The following BZW2 variants were observed in gnomAD, a reference collection of about 807,000 sequenced individuals.
The protein encoded by BZW2 is basic leucine zipper and W2 domains 2.
Under a neutral mutation model 53.2 loss-of-function variants are expected in BZW2, and 23 were observed. The ratio of observed to expected loss-of-function variants is 0.43; its 90% confidence interval spans 0.31 to 0.61. The LOEUF (loss-of-function observed/expected upper bound fraction) is 0.61, where lower values mean the gene tolerates loss of function less well. Among genes scored for constraint, BZW2 ranks in the 20% least tolerant of loss-of-function variants. BZW2 has a pLI of 0.09. For synonymous variants in BZW2, 227 were observed against 186.4 expected (o/e 1.22, Z -1.77); for missense variants, 409 against 503.1 (o/e 0.81, Z 1.79).
chr7:16,665,461 G>A lies in BZW2; in HGVS notation c.18G>A (p.Lys6=). 1 of 1,614,028 alleles carries A rather than the reference G, an allele frequency of 6.2e-7. No homozygotes were observed. The highest frequency in any genetic ancestry group is 1.1e-5 in the South Asian group (1 of 91,074). Residue 6 remains lysine, a synonymous_variant, in exon 2 of 12, where the codon AAG becomes AAA. Coordinates refer to ENST00000258761, the MANE Select transcript of BZW2 (RefSeq NM_014038.3). ...GAAATTTTATGAATAAGCATCAGAA[G>A]CCAGTGCTAACAGGCCAGCGGTTCA... is the stretch of plus-strand genomic sequence containing the variant. MNKHQ[K]PVLTGQRFKT... is the part of the protein sequence containing the mutation.
intron 1 of BZW2, among the ~76,000 whole-genome samples, chr7:16,658,708 G>A (rs1054277846): frequency 1.3e-5 from 2 of 151,752 alleles, no homozygotes; most frequent in African/African-American, 2.4e-5. Context: ...AACCCCGTCT[G>A]TACTAAAAAT....
In BZW2 at chr7:16,704,561, G is replaced by A. The variant is rs769226107; in HGVS notation, c.1123G>A (p.Glu375Lys). 3.9e-6 allele frequency: 6 copies of A among 1,556,874 alleles called. No individual in the cohort carries two copies. Among genetic ancestry groups the A allele is most frequent in the African/African-American group, 1.3e-5 (1 of 74,334 alleles). ...VLFYKADVLS[E>K]EAILKWYKEA... ...TAAAATTGCAGCTGATGTTCTGAGC[G>A]AAGAAGCAATACTGAAATGGTATAA... Residue 375 changes from glutamate to lysine, a missense_variant, in exon 11 of 12, where the codon GAA (glutamate) becomes AAA (lysine). Physicochemically the swap from Glu to Lys is moderately conservative, Grantham distance 56. Around this residue, in one of 3 missense-constraint regions of BZW2, gnomAD observed 88 missense variants for 114.6 expected, o/e 0.77. Transcript: ENST00000258761.
rs1783245541 is a variant in BZW2, at chr7:16,689,817, G to A, written c.562G>A (p.Val188Ile). 10 of 1,608,230 alleles carry A rather than the reference G, an allele frequency of 6.2e-6. No homozygotes were observed. Among genetic ancestry groups the A allele is most frequent in the Non-Finnish European group, 7.6e-6 (9 of 1,176,942 alleles). ...AACAGGCATTGCGGCCTCATTTGCTGTCAAGCTTTTCAAAGCATGGATGGC... is the reference window on the plus strand; with the variant it reads ...AACAGGCATTGCGGCCTCATTTGCTATCAAGCTTTTCAAAGCATGGATGGC... The part of the protein sequence containing the change: ...VKEGIAASFA[V>I]KLFKAWMAEK... Residue 188 changes from valine to isoleucine, a missense_variant, in exon 7 of 12, where the codon GTC becomes ATC. Around this residue, in one of 3 missense-constraint regions of BZW2, gnomAD observed 316 missense variants for 366.8 expected, o/e 0.86. Coordinates refer to ENST00000258761, the MANE Select transcript of BZW2 (RefSeq NM_014038.3).
At chr7:16,664,358 A>C (rs1782356556) in intron 1 of BZW2, among the ~76,000 whole-genome samples, 1 of 152,222 alleles carries the variant, frequency 6.6e-6, no homozygotes, top group African/African-American at 2.4e-5. Flanking sequence ...AGCTAGTGAC[A>C]ACAGGCCACT....
intron 2 of BZW2, among the ~76,000 whole-genome samples, chr7:16,673,056 C>T (rs1782654624): frequency 6.6e-6 from 1 of 152,126 alleles, no homozygotes; most frequent in African/African-American, 2.4e-5. Context: ...AGTGATTCTC[C>T]TGCTTCAGCC....
At chr7:16,656,542 C>T (rs1014577485) in intron 1 of BZW2, among the ~76,000 whole-genome samples, 2 of 135,222 alleles carry the variant, frequency 1.5e-5, no homozygotes, top group African/African-American at 2.9e-5. Context: ...CAAGCACTCC[C>T]CAGCGCGCGC....
At chr7:16,697,095 AG>A in intron 9 of BZW2, 34 bp downstream of exon 9, 11 of 1,599,928 alleles carry the variant, frequency 6.9e-6, no homozygotes, top group Non-Finnish European at 9.4e-6. Flanking sequence ...GACCCAGCCA[AG>A]GGCAAACTGC....
chr7:16,684,989 A>T (rs1489573431), intron 5 of BZW2, among the ~76,000 whole-genome samples: 1 of 152,204 alleles, frequency 6.6e-6, no homozygotes, highest in Non-Finnish European at 1.5e-5. Flanking sequence ...TGAATTTTGC[A>T]TTGGCGCAAA....
chr7:16,702,157 C>T (rs913798452), intron 10 of BZW2, among the ~76,000 whole-genome samples: 1 of 152,180 alleles, frequency 6.6e-6, no homozygotes, highest in South Asian at 2.1e-4. Flanking sequence ...TTAATTAACT[C>T]TTTTCCCTAC....
At chr7:16,664,173 A>G (rs944586232) in intron 1 of BZW2, among the ~76,000 whole-genome samples, 1 of 152,224 alleles carries the variant, frequency 6.6e-6, no homozygotes, top group African/African-American at 2.4e-5. Context: ...ATATGTTTAT[A>G]CTTTGCTCAA....
At chr7:16,649,277 G>A (rs1311552627) in intron 1 of BZW2, among the ~76,000 whole-genome samples, 1 of 152,186 alleles carries the variant, frequency 6.6e-6, no homozygotes, top group African/African-American at 2.4e-5. Flanking sequence ...TGCACCTAGT[G>A]TATGCTCAGT....
intron 5 of BZW2, among the ~76,000 whole-genome samples, chr7:16,684,770 A>G (rs1362855113): frequency 6.6e-6 from 1 of 152,056 alleles, no homozygotes; most frequent in East Asian, 1.9e-4. Flanking sequence ...CTTCTTTTTA[A>G]TTTGTTGAGA....
At chr7:16,679,577 C>T (rs1041533114) in intron 3 of BZW2, among the ~76,000 whole-genome samples, 4 of 152,208 alleles carry the variant, frequency 2.6e-5, no homozygotes, top group Non-Finnish European at 4.4e-5. Flanking sequence ...ATTGAATTCT[C>T]ATTTGCCTAT....
At chr7:16,695,765 A>C (rs1037348532) in intron 8 of BZW2, 1 of 152,172 alleles carries the variant, frequency 6.6e-6, no homozygotes, top group Admixed American at 6.5e-5. Flanking sequence ...TCCATGCTCC[A>C]AGCCCTGCTT....
rs750863375 is a variant in BZW2, at chr7:16,686,002, T to A, written c.503T>A (p.Ile168Asn). The A allele has an allele frequency of 1.2e-6, 2 of 1,608,600 alleles. No individual in the cohort carries two copies. Among genetic ancestry groups the A allele is most frequent in the South Asian group, 2.2e-5 (2 of 89,600 alleles). Reference sequence around the variant, plus strand: ...GGCAATGGCACCCTGCCCGCCACCATCCTCACCAGTCTCTTCACCGACAGC... The same window carrying A: ...GGCAATGGCACCCTGCCCGCCACCAACCTCACCAGTCTCTTCACCGACAGC... Reference protein sequence around the residue: ...LLGNGTLPATILTSLFTDSLV... With the variant: ...LLGNGTLPATNLTSLFTDSLV... Residue 168 changes from isoleucine to asparagine, a missense_variant, in exon 6 of 12, where the codon ATC becomes AAC. Physicochemically the swap from Ile to Asn is moderately radical, Grantham distance 149. Around this residue, in one of 3 missense-constraint regions of BZW2, gnomAD observed 316 missense variants for 366.8 expected, o/e 0.86. Transcript: ENST00000258761.
intron 7 of BZW2, among the ~76,000 whole-genome samples, chr7:16,691,724 G>A (rs1268218811): frequency 1.3e-5 from 2 of 152,208 alleles, no homozygotes; most frequent in Non-Finnish European, 2.9e-5. Context: ...GTATGATTGG[G>A]AACAAAGATA....
At chr7:16,663,846 A>G (rs1782338893) in intron 1 of BZW2, among the ~76,000 whole-genome samples, 1 of 152,212 alleles carries the variant, frequency 6.6e-6, no homozygotes, top group Admixed American at 6.5e-5. Context: ...CTCAGTTTTT[A>G]AGAAGTCTTG....
At chr7:16,650,433 A>G (rs919585880) in intron 1 of BZW2, among the ~76,000 whole-genome samples, 7 of 152,190 alleles carry the variant, frequency 4.6e-5, no homozygotes, top group Non-Finnish European at 8.8e-5. Context: ...GTTTCGAGCA[A>G]TGTCAGCACT....
At chr7:16,691,653 C>T (rs572511469) in intron 7 of BZW2, among the ~76,000 whole-genome samples, 2 of 152,338 alleles carry the variant, frequency 1.3e-5, no homozygotes, top group African/African-American at 4.8e-5. Context: ...GCTTCTCCAC[C>T]TCTGCAGATA....
Sources: allele counts gnomAD v4.1 joint callset (sites outside exome capture counted in the v4.1 genomes callset), GRCh38; gene constraint gnomAD v4.1.1; regional missense constraint gnomAD v4.1.1; transcripts MANE v1.5; gene names NCBI Gene and HGNC (gene_info 2026-07-23, HGNC 2026-07-21).